Variants in ADGRL3 observed in about 807,000 individuals in gnomAD.
ADGRL3 encodes the protein adhesion G protein-coupled receptor L3, also known as calcium-independent alpha-latrotoxin receptor 3.
A neutral mutation model predicts 153.5 loss-of-function variants in ADGRL3; 62 were observed. The observed-to-expected ratio is 0.40, with a 90% CI of 0.33 to 0.50. The LOEUF is 0.50. ADGRL3 is among the 20% of genes least tolerant of loss of function. The pLI is 0.47. For missense variants in ADGRL3, 1,641 were observed against 1,859.4 expected (o/e 0.88, Z 2.16); for synonymous variants, 710 against 672.5 (o/e 1.06, Z -0.86).
intron 4 of ADGRL3, among the ~76,000 whole-genome samples, chr4:61,576,999 T>G (rs889021382): frequency 1.3e-5 from 2 of 152,176 alleles, no homozygotes; most frequent in East Asian, 3.9e-4. Flanking sequence ...TTGAAGGTAT[T>G]ACCAAAGAAG....
intron 19 of ADGRL3, among the ~76,000 whole-genome samples, chr4:61,987,149 A>ATTTAT (rs1189065780): frequency 9.0e-5 from 3 of 33,316 alleles, no homozygotes; most frequent in Admixed American, 3.5e-4. Flanking sequence ...ATTTTATTTT[A>ATTTAT]TTTATTTTAT....
At chr4:61,630,928 C>T (rs1434558503) in intron 5 of ADGRL3, among the ~76,000 whole-genome samples, 1 of 152,190 alleles carries the variant, frequency 6.6e-6, no homozygotes, top group African/African-American at 2.4e-5. Flanking sequence ...ACCTATCTTA[C>T]TATTCTAAAT....
In ADGRL3 at chr4:61,775,880, T is replaced by G. The variant is rs1580768212; in HGVS notation, c.1400-37929T>G. On this transcript the variant is annotated intron_variant, in intron 8 of 26. Transcript: ENST00000683033. Reference sequence around the variant, plus strand: ...GTGGGTTACCGGTGAAGACGAATCTTGTTTTTATTTATTTATTTATTTATT... The same window carrying G: ...GTGGGTTACCGGTGAAGACGAATCTGGTTTTTATTTATTTATTTATTTATT... 14 of 370,296 alleles carry G rather than the reference T, an allele frequency of 3.8e-5. No individual in the cohort carries two copies. In the East Asian group the frequency reaches 6.4e-4, roughly 17 times the overall value. The allele number at this position is 370,296 out of a possible 1,614,324, so 22.9% of individuals were successfully genotyped here.
intron 1 of ADGRL3, among the ~76,000 whole-genome samples, chr4:61,359,548 A>G (rs1172663070): frequency 6.6e-6 from 1 of 152,144 alleles, no homozygotes; most frequent in Non-Finnish European, 1.5e-5. Flanking sequence ...TCTGCCAGAA[A>G]TGCTCTGAAA....
At chr4:61,596,268 C>T (rs1025563112) in intron 5 of ADGRL3, among the ~76,000 whole-genome samples, 5 of 152,144 alleles carry the variant, frequency 3.3e-5, no homozygotes, top group South Asian at 4.1e-4. Flanking sequence ...CTTTTTAATA[C>T]TTATAAATGA....
chr4:61,209,697 A>G (rs1739007086), intron 1 of ADGRL3, among the ~76,000 whole-genome samples: 1 of 152,138 alleles, frequency 6.6e-6, no homozygotes, highest in Admixed American at 6.5e-5. Flanking sequence ...CCCCATCAAA[A>G]ATTATAATCC....
intron 15 of ADGRL3, among the ~76,000 whole-genome samples, chr4:61,940,034 T>C (rs1478329885): frequency 1.4e-5 from 2 of 140,280 alleles, no homozygotes; most frequent in Admixed American, 7.3e-5. Flanking sequence ...CACCCACTAA[T>C]GTGTCATCTA....
intron 2 of ADGRL3, among the ~76,000 whole-genome samples, chr4:61,472,296 T>C (rs2097967541): frequency 1.3e-5 from 2 of 152,098 alleles, no homozygotes; most frequent in African/African-American, 2.4e-5. Context: ...TTAAATATGA[T>C]CTTATATTTT....
intron 19 of ADGRL3, 62 bp from the exon 20 acceptor site, chr4:61,996,229 C>A: frequency 9.7e-7 from 1 of 1,035,834 alleles, no homozygotes; most frequent in Non-Finnish European, 1.5e-6. Context: ...CACAGGTTCA[C>A]TCTTGATGTA....
At position 61,983,520 on chromosome 4, in the gene ADGRL3, T is replaced by C. The variant is rs769557014; in HGVS notation, c.3153T>C (p.Phe1051=). ...GTGAACATTCACGTAGGAAATACTT[T>C]TATCTGGTCGGCTATGGGATGCCTG... The part of the protein sequence containing the change: ...FESEHSRRKY[F]YLVGYGMPAL... The change falls in exon 19 of 27, where the codon TTT becomes TTC. Residue 1051 remains phenylalanine (F), a synonymous_variant. Coordinates refer to ENST00000683033, the MANE Select transcript of ADGRL3 (RefSeq NM_001387552.1). 1.1e-5 allele frequency: 18 copies of C among 1,613,842 alleles called. No individual in the cohort carries two copies. Among genetic ancestry groups the C allele is most frequent in the Non-Finnish European group, 1.5e-5 (18 of 1,179,870 alleles).
intron 6 of ADGRL3, among the ~76,000 whole-genome samples, chr4:61,721,213 G>A (rs966115836): frequency 1.3e-5 from 2 of 152,042 alleles, no homozygotes; most frequent in African/African-American, 2.4e-5. Context: ...ATTGACACAC[G>A]ATCACAAGGT....
intron 1 of ADGRL3, among the ~76,000 whole-genome samples, chr4:61,335,662 AGG>A (rs2095660018): frequency 6.6e-6 from 1 of 152,186 alleles, no homozygotes; most frequent in Non-Finnish European, 1.5e-5. Context: ...TGATGATTTG[AGG>A]AAATAGGAAT....
intron 8 of ADGRL3, among the ~76,000 whole-genome samples, chr4:61,782,698 C>CAATA (rs1001160755): frequency 1.2e-4 from 19 of 152,074 alleles, no homozygotes; most frequent in African/African-American, 3.9e-4. Flanking sequence ...CTTACTTTAA[C>CAATA]AATAAATAAA....
chr4:61,460,931 G>A (rs193090747), intron 2 of ADGRL3, among the ~76,000 whole-genome samples: 18 of 152,128 alleles, frequency 1.2e-4, no homozygotes, highest in East Asian at 7.8e-4. Context: ...TTAGCCAGGC[G>A]CGGTGGCAGG....
chr4:61,765,710 A>G (rs896667825), intron 8 of ADGRL3, among the ~76,000 whole-genome samples: 1 of 152,060 alleles, frequency 6.6e-6, no homozygotes, highest in Non-Finnish European at 1.5e-5. Context: ...GCCTCTACCT[A>G]TCCAGTGAAA....
At chr4:61,614,778 T>C (rs1340542224) in intron 5 of ADGRL3, among the ~76,000 whole-genome samples, 1 of 152,094 alleles carries the variant, frequency 6.6e-6, no homozygotes, top group African/African-American at 2.4e-5. Flanking sequence ...CTCCTTTCTT[T>C]TGATTTATTT....
chr4:61,350,350 T>TG (rs2096016786), intron 1 of ADGRL3, among the ~76,000 whole-genome samples: 1 of 151,110 alleles, frequency 6.6e-6, no homozygotes, highest in Admixed American at 6.6e-5. Context: ...GAGGTTTTTT[T>TG]TTTTTTTTTT....
intron 1 of ADGRL3, among the ~76,000 whole-genome samples, chr4:61,286,510 G>A (rs1259097147): frequency 1.3e-5 from 2 of 151,342 alleles, no homozygotes; most frequent in Non-Finnish European, 3.0e-5. Context: ...TTAGATATTG[G>A]CAGAAGTCAT....
At position 61,375,871 on chromosome 4, in the gene ADGRL3, T is replaced by C. The variant is rs1273815589; in HGVS notation, c.-239-7253T>C. 1.2e-4 allele frequency among the ~76,000 whole-genome samples: 19 copies of C among 152,256 alleles called. 1 individual carries two copies. The East Asian group carries it at 3.5e-3, about 28-fold the overall frequency. Reference sequence around the variant, plus strand: ...AATTGCAGGTATATATTGAAAATTATCTATTTGCTTTATGAGTGGTAGTTT... The same window carrying C: ...AATTGCAGGTATATATTGAAAATTACCTATTTGCTTTATGAGTGGTAGTTT... On this transcript the variant is annotated intron_variant, in intron 1 of 26. Coordinates refer to ENST00000683033, the MANE Select transcript of ADGRL3 (RefSeq NM_001387552.1).
Sources: gnomAD v4.1 joint callset for allele counts (sites outside exome capture counted in the v4.1 genomes callset) on GRCh38, gnomAD v4.1.1 for gene constraint, MANE v1.5 for transcripts, NCBI Gene and HGNC (gene_info 2026-07-23, HGNC 2026-07-21) for gene names.